The following USP54 variants were observed in gnomAD, a reference collection of about 807,000 sequenced individuals.
USP54 encodes ubiquitin carboxyl-terminal hydrolase 54.
Under a neutral mutation model 170.5 loss-of-function variants are expected in USP54, and 87 were observed. That is an observed-to-expected ratio of 0.51 (90% CI 0.43 to 0.61). The LOEUF (loss-of-function observed/expected upper bound fraction) is 0.61, where lower values mean the gene tolerates loss of function less well. USP54 is among the 20% of genes least tolerant of loss of function. USP54 has a pLI of 0.00. For missense variants in USP54, 1,786 were observed against 2,047.8 expected, an observed-to-expected ratio of 0.87 and a Z score of 2.47; for synonymous variants, 655 against 742.8, an observed-to-expected ratio of 0.88 and a Z score of 1.92.
intron 1 of USP54, among the ~76,000 whole-genome samples, chr10:73,596,566 A>AG (rs2078749373): frequency 6.6e-6 from 1 of 151,638 alleles, no homozygotes; most frequent in African/African-American, 2.4e-5. Context: ...CTCAAAAAAA[A>AG]AATCAGCCAG....
rs147355733 is a variant in USP54 at position 73,600,494 on chromosome 10, T to C, written c.-17-24819A>G. On this transcript the variant is annotated intron_variant, in intron 1 of 22. Coordinates refer to the USP54 transcript ENST00000339859. ...TGAGGTAAATGGTACATCAGGTCAA[T>C]ATTATTATTTATTTTAACTCTGTAT... is the stretch of plus-strand genomic sequence containing the variant. Among the ~76,000 whole-genome samples the C allele has an allele frequency of 3.9e-5, 6 of 152,320 alleles. No homozygotes were observed. The East Asian group carries it at 7.7e-4, about 20-fold the overall frequency.
chr10:73,617,803 G>A (rs908437017), intron 1 of USP54, among the ~76,000 whole-genome samples: 4 of 150,166 alleles, frequency 2.7e-5, no homozygotes, highest in African/African-American at 7.6e-5. Flanking sequence ...CCAGCTACTT[G>A]GGAGGCTGAG....
In USP54 at chr10:73,624,198, A is replaced by AT. The variant is rs1208558815; in HGVS notation, c.-18+1368dup. ...TATATATATATATATATATATATGT[A>AT]TTTTTTTTTTTTTTTTTGAGACGGA... is the stretch of plus-strand genomic sequence containing the variant. On this transcript the variant is annotated intron_variant, in intron 1 of 22. Coordinates refer to the USP54 transcript ENST00000339859. Among the ~76,000 whole-genome samples the AT allele has an allele frequency of 5.5e-3, 566 of 102,378 alleles. 4 individuals are homozygous for AT. The highest frequency in any genetic ancestry group is 9.6e-3 in the African/African-American group (232 of 24,134). 67.2% of individuals were successfully genotyped at this position (102,378 alleles called of 152,430 possible).
rs761616750 is a variant in USP54 at position 73,541,529 on chromosome 10, A to G, written c.679-8T>C. 1.9e-6 allele frequency: 3 copies of G among 1,614,038 alleles called. No homozygotes were observed. The highest frequency in any genetic ancestry group is 2.5e-6 in the Non-Finnish European group (3 of 1,180,032). On this transcript the variant is annotated splice_polypyrimidine_tract_variant and splice_region_variant and intron_variant, in intron 8 of 23. Transcript: ENST00000687698. ...CCTCTCTCCACAGTTGCTCTGAAAT[A>G]CATATATAAGGCTAGTTCAACATGT...
chr10:73,609,398 G>T (rs2079941747), intron 1 of USP54, among the ~76,000 whole-genome samples: 1 of 152,172 alleles, frequency 6.6e-6, no homozygotes, highest in Non-Finnish European at 1.5e-5. Context: ...TTTCCACAGA[G>T]AATACATTTT....
At chr10:73,549,790 T>C (rs969777545) in intron 4 of USP54, among the ~76,000 whole-genome samples, 4 of 152,190 alleles carry the variant, frequency 2.6e-5, no homozygotes, top group Admixed American at 6.5e-5. Flanking sequence ...ACAGCAATCA[T>C]ATGATTTTTT....
chr10:73,513,184 C>T (rs975989986), intron 20 of USP54: 1 of 152,150 alleles, frequency 6.6e-6, no homozygotes, highest in Non-Finnish European at 1.5e-5. Context: ...CGGTGGCTCA[C>T]CTTATAGTCA....
chr10:73,600,671 C>G (rs185250887), intron 1 of USP54, among the ~76,000 whole-genome samples: 1 of 152,134 alleles, frequency 6.6e-6, no homozygotes, highest in Non-Finnish European at 1.5e-5. Context: ...GCCAGCACTT[C>G]GGGAGGCTGA....
rs753663560 is a variant in USP54, at chr10:73,530,378, G to C, written c.1593C>G (p.His531Gln). ...GCTGGTCTCCTCCTCTGCCCCTGCA[G>C]TGAGAGCCTACATTGGTCTGAGAAG... ...SLASQTNVGS[H>Q]CRGRGGDQPD... Residue 531 changes from histidine to glutamine, a missense_variant, in exon 14 of 24, where the codon CAC becomes CAG. His to Gln is a conservative substitution (Grantham distance 24). This residue lies in a region of USP54 where 1,418 missense variants were observed against 1,569.0 expected (regional missense o/e 0.90). Transcript: ENST00000687698. The C allele has an allele frequency of 5.6e-6, 9 of 1,614,086 alleles. No individual in the cohort carries two copies. The highest frequency in any genetic ancestry group is 7.6e-6 in the Non-Finnish European group (9 of 1,180,056).
intron 4 of USP54, among the ~76,000 whole-genome samples, chr10:73,548,365 C>A (rs1405886841): frequency 2.6e-5 from 4 of 152,188 alleles, no homozygotes; most frequent in Admixed American, 2.6e-4. Flanking sequence ...TTTGACCCAG[C>A]AATCCCTTTA....
intron 1 of USP54, among the ~76,000 whole-genome samples, chr10:73,583,293 A>C (rs936003602): frequency 4.0e-5 from 6 of 151,578 alleles, no homozygotes; most frequent in Non-Finnish European, 7.4e-5. Context: ...AACAAAGAAA[A>C]TTTTTTTTTG....
At chr10:73,502,403 C>A (rs2058321320) in intron 22 of USP54, among the ~76,000 whole-genome samples, 1 of 152,154 alleles carries the variant, frequency 6.6e-6, no homozygotes, top group Non-Finnish European at 1.5e-5. Flanking sequence ...AGCTCTGCCT[C>A]CTGGGTTCAC....
chr10:73,596,125 A>G (rs2078709932), upstream of USP54, among the ~76,000 whole-genome samples: 1 of 149,264 alleles, frequency 6.7e-6, no homozygotes, highest in African/African-American at 2.5e-5. Flanking sequence ...AAAAAAAAAC[A>G]AAACAAAAAA....
At chr10:73,519,117 G>T (rs2061521745) in intron 19 of USP54, 1 of 141,770 alleles carries the variant, frequency 7.1e-6, no homozygotes, top group African/African-American at 2.6e-5. Context: ...TCCAGCCTGG[G>T]TGAAAAAGCA....
intron 14 of USP54, 76 bp downstream of exon 14, chr10:73,530,067 C>T (rs2063684524): frequency 1.0e-5 from 16 of 1,527,476 alleles, no homozygotes; most frequent in Non-Finnish European, 1.3e-5. Context: ...GCCAGATGTA[C>T]CAAAAAACCC....
chr10:73,530,350 C>A lies in USP54; in HGVS notation c.1621G>T (p.Asp541Tyr), dbSNP rs183358698. 5.1e-4 allele frequency: 829 copies of A among 1,614,028 alleles called. 5 individuals carry two copies. The African/African-American group carries it at 9.9e-3, about 19-fold the overall frequency. ...HCRGRGGDQP[D>Y]KKPPRTLPLH... Reference sequence around the variant, plus strand: ...GGCAGGGTCCTAGGAGGTTTTTTGTCAGGCTGGTCTCCTCCTCTGCCCCTG... The same window carrying A: ...GGCAGGGTCCTAGGAGGTTTTTTGTAAGGCTGGTCTCCTCCTCTGCCCCTG... The change falls in exon 14 of 24, where the codon GAC (aspartate) becomes TAC (tyrosine). Residue 541 changes from aspartate (D) to tyrosine (Y), a missense_variant. Around this residue, in one of 3 missense-constraint regions of USP54, gnomAD observed 1,418 missense variants for 1,569.0 expected, o/e 0.90. Transcript: ENST00000687698.
At chr10:73,529,300 G>A (rs1268830665) in intron 15 of USP54, 1 of 264,168 alleles carries the variant, frequency 3.8e-6, no homozygotes, top group Non-Finnish European at 7.6e-6. Context: ...CTATCGGAGG[G>A]TGGAGGGTGG....
chr10:73,501,674 G>A (rs2058142280), intron 22 of USP54, among the ~76,000 whole-genome samples: 1 of 152,004 alleles, frequency 6.6e-6, no homozygotes, highest in South Asian at 2.1e-4. Flanking sequence ...CCTTACTGTG[G>A]CCTACAAGGT....
intron 4 of USP54, among the ~76,000 whole-genome samples, chr10:73,562,305 C>T (rs533969901): frequency 1.3e-5 from 2 of 152,270 alleles, no homozygotes; most frequent in South Asian, 4.2e-4. Context: ...AACACCCACA[C>T]ACCCATGTGC....
Sources: allele counts gnomAD v4.1 joint callset (sites outside exome capture counted in the v4.1 genomes callset), GRCh38; gene constraint gnomAD v4.1.1; regional missense constraint gnomAD v4.1.1; transcripts MANE v1.5; gene names NCBI Gene and HGNC (gene_info 2026-07-23, HGNC 2026-07-21).